Variants in SGCD observed in about 807,000 individuals in gnomAD.
The protein encoded by SGCD is delta-sarcoglycan.
In SGCD, 18 loss-of-function variants were observed where a neutral mutation model predicts 36.6. That is an observed-to-expected ratio of 0.49 (90% CI 0.34 to 0.73). The LOEUF (loss-of-function observed/expected upper bound fraction) is 0.73. SGCD is among the 30% of genes least tolerant of loss of function. The probability of loss-of-function intolerance (pLI) is 0.01; values close to 1 mark genes in which losing one functional copy is unlikely to be tolerated. For synonymous variants in SGCD, 133 were observed against 130.6 expected, an observed-to-expected ratio of 1.02 and a Z score of -0.12; for missense variants, 387 against 346.7, an observed-to-expected ratio of 1.12 and a Z score of -0.92.
intron 3 of SGCD, among the ~76,000 whole-genome samples, chr5:156,189,672 A>G (rs1253246469): frequency 6.6e-6 from 1 of 151,944 alleles, no homozygotes; most frequent in Non-Finnish European, 1.5e-5. Flanking sequence ...ACAAGAATAA[A>G]TCCGGAAAAT....
At chr5:156,421,470 C>A (rs145440739) in intron 3 of SGCD, among the ~76,000 whole-genome samples, 128 of 152,164 alleles carry the variant, frequency 8.4e-4, no homozygotes, top group Non-Finnish European at 1.6e-3. Flanking sequence ...ATGACTTTGA[C>A]CACCATGGGT....
At chr5:156,112,806 C>G (rs746245602) in intron 1 of SGCD, among the ~76,000 whole-genome samples, 2 of 152,160 alleles carry the variant, frequency 1.3e-5, no homozygotes, top group South Asian at 4.1e-4. Context: ...GCTTTCCCCT[C>G]CATACTGAGG....
chr5:156,315,663 A>C (rs1767499078), intron 3 of SGCD, among the ~76,000 whole-genome samples: 1 of 151,886 alleles, frequency 6.6e-6, no homozygotes, highest in Non-Finnish European at 1.5e-5. Context: ...ATACCAATTT[A>C]CTTTCCCATC....
At chr5:155,822,206 C>T in the SGCD span, among the ~76,000 whole-genome samples, 1 of 152,154 alleles carries the variant, frequency 6.6e-6, no homozygotes, top group Non-Finnish European at 1.5e-5. Flanking sequence ...AGACATGAAA[C>T]ACATATTATC....
chr5:156,255,739 C>A (rs889603339), intron 3 of SGCD, among the ~76,000 whole-genome samples: 1 of 151,936 alleles, frequency 6.6e-6, no homozygotes. Flanking sequence ...CTTATTTGAA[C>A]CTTCTGTCCT....
At chr5:155,860,642 A>G in the SGCD span, among the ~76,000 whole-genome samples, 4 of 152,206 alleles carry the variant, frequency 2.6e-5, no homozygotes, top group African/African-American at 9.6e-5. Flanking sequence ...AAGCTGTTGC[A>G]TCTCATTTTA....
At chr5:156,701,124 G>T (rs1018131912) in intron 7 of SGCD, among the ~76,000 whole-genome samples, 6 of 152,066 alleles carry the variant, frequency 3.9e-5, no homozygotes, top group Middle Eastern at 3.4e-3. Context: ...CTTCTCCTGT[G>T]GACTGCAGAT....
intron 3 of SGCD, among the ~76,000 whole-genome samples, chr5:156,481,592 C>G (rs1755432472): frequency 6.6e-6 from 1 of 152,100 alleles, no homozygotes. Flanking sequence ...GTCTCTTGAT[C>G]TACATGACCC....
intron 6 of SGCD, among the ~76,000 whole-genome samples, chr5:156,619,179 C>T (rs1027887729): frequency 1.3e-5 from 2 of 152,096 alleles, no homozygotes; most frequent in Non-Finnish European, 2.9e-5. Flanking sequence ...GCACCTGCCA[C>T]GACGCCCGGC....
intron 7 of SGCD, among the ~76,000 whole-genome samples, chr5:156,674,238 C>CTAA (rs1441644629): frequency 1.3e-5 from 2 of 152,124 alleles, no homozygotes; most frequent in Admixed American, 1.3e-4. Flanking sequence ...ACTTTCATGG[C>CTAA]TAATTGTAAA....
chr5:156,480,944 T>C (rs1412949545), intron 3 of SGCD, among the ~76,000 whole-genome samples: 1 of 152,188 alleles, frequency 6.6e-6, no homozygotes, highest in Non-Finnish European at 1.5e-5. Flanking sequence ...GGAGGAGTGC[T>C]ATAAAGTAAT....
At chr5:156,230,424 G>A (rs925800312) in intron 3 of SGCD, among the ~76,000 whole-genome samples, 2 of 152,142 alleles carry the variant, frequency 1.3e-5, no homozygotes, top group African/African-American at 4.8e-5. Flanking sequence ...CTTCCTGCGA[G>A]CTGAGCTGTA....
intron 7 of SGCD, among the ~76,000 whole-genome samples, chr5:156,654,909 T>C (rs1183877734): frequency 2.0e-5 from 3 of 152,176 alleles, no homozygotes; most frequent in African/African-American, 7.2e-5. Context: ...TATCATGCTT[T>C]ACATGAGATT....
intron 6 of SGCD, among the ~76,000 whole-genome samples, chr5:156,609,147 C>T (rs1353508079): frequency 6.6e-6 from 1 of 151,882 alleles, no homozygotes; most frequent in Non-Finnish European, 1.5e-5. Flanking sequence ...TCTCGATGGT[C>T]CTTACAATTT....
chr5:156,573,153 A>G (rs1160838441), intron 4 of SGCD, among the ~76,000 whole-genome samples: 1 of 152,120 alleles, frequency 6.6e-6, no homozygotes, highest in African/African-American at 2.4e-5. Context: ...TCTTTTCCCA[A>G]TAAAAAAATT....
intron 1 of SGCD, among the ~76,000 whole-genome samples, chr5:156,019,876 C>T (rs1206184768): frequency 1.3e-5 from 2 of 152,200 alleles, no homozygotes; most frequent in Non-Finnish European, 2.9e-5. Context: ...CTAGAGTTAG[C>T]ATTTAAAGCC....
chr5:156,028,903 A>T (rs188614324), intron 1 of SGCD, among the ~76,000 whole-genome samples: 35 of 152,232 alleles, frequency 2.3e-4, no homozygotes, highest in Admixed American at 5.2e-4. Flanking sequence ...AAGACATACC[A>T]CTCAGCACGA....
chr5:156,676,324 T>A (rs1310992600), intron 7 of SGCD, among the ~76,000 whole-genome samples: 1 of 152,160 alleles, frequency 6.6e-6, no homozygotes. Flanking sequence ...GACTAACCTA[T>A]AAGATAAAGT....
chr5:156,640,796 A>G (rs114939212), intron 6 of SGCD, among the ~76,000 whole-genome samples: 7 of 152,318 alleles, frequency 4.6e-5, no homozygotes, highest in Non-Finnish European at 1.0e-4. Context: ...AAAAGAAAAT[A>G]TTTGGTATGT....
Sources: allele counts gnomAD v4.1 joint callset (sites outside exome capture counted in the v4.1 genomes callset), GRCh38; gene constraint gnomAD v4.1.1; transcripts MANE v1.5; gene names NCBI Gene and HGNC (gene_info 2026-07-23, HGNC 2026-07-21).